LRRC4C: variants seen among roughly 807,000 people sequenced by gnomAD.
LRRC4C encodes the protein leucine-rich repeat-containing protein 4C.
In LRRC4C, 5 loss-of-function variants were observed where a neutral mutation model predicts 33.6. The observed-to-expected ratio is 0.15, with a 90% CI of 0.08 to 0.31. The LOEUF is 0.31. Ranked by LOEUF, LRRC4C falls within the 10% of genes least tolerant of loss-of-function variation. The pLI, the probability that LRRC4C is intolerant of heterozygous loss-of-function variation, is 1.00. For missense variants in LRRC4C, 560 were observed against 796.7 expected, an observed-to-expected ratio of 0.70 and a Z score of 3.58; for synonymous variants, 329 against 302.0, an observed-to-expected ratio of 1.09 and a Z score of -0.93.
intron 3 of LRRC4C, among the ~76,000 whole-genome samples, chr11:40,646,865 C>A (rs1942495474): frequency 6.6e-6 from 1 of 152,168 alleles, no homozygotes; most frequent in Non-Finnish European, 1.5e-5. Flanking sequence ...CTCGGCCTCC[C>A]AAAATGCTGG....
At chr11:40,956,153 G>A (rs1045810863) in intron 1 of LRRC4C, among the ~76,000 whole-genome samples, 1 of 151,706 alleles carries the variant, frequency 6.6e-6, no homozygotes, top group Admixed American at 6.6e-5. Flanking sequence ...CACAAGTGAC[G>A]GCGATACCAA....
At chr11:40,919,595 C>T (rs1044350495) in intron 2 of LRRC4C, among the ~76,000 whole-genome samples, 7 of 152,086 alleles carry the variant, frequency 4.6e-5, no homozygotes, top group Admixed American at 4.6e-4. Context: ...TGCTTATTAT[C>T]TTACTGTCTG....
intron 2 of LRRC4C, among the ~76,000 whole-genome samples, chr11:40,760,412 CAAA>C (rs35336371): frequency 1.5e-5 from 2 of 136,180 alleles, no homozygotes; most frequent in Non-Finnish European, 1.6e-5. Context: ...GGTCCTTTAC[CAAA>C]AAAAAAAAAA....
At chr11:41,228,145 T>C (rs1947626351) in intron 1 of LRRC4C, among the ~76,000 whole-genome samples, 2 of 152,136 alleles carry the variant, frequency 1.3e-5, no homozygotes, top group Non-Finnish European at 1.5e-5. Flanking sequence ...TCTATCTATG[T>C]TATTTTTCAC....
At chr11:40,805,921 T>C (rs752575551) in intron 2 of LRRC4C, among the ~76,000 whole-genome samples, 8 of 152,186 alleles carry the variant, frequency 5.3e-5, no homozygotes, top group Non-Finnish European at 1.2e-4. Context: ...ACTCAGCAGA[T>C]TTCTTGTTGT....
chr11:41,249,917 G>A (rs1948584379), intron 1 of LRRC4C, among the ~76,000 whole-genome samples: 1 of 151,926 alleles, frequency 6.6e-6, no homozygotes. Context: ...TATATCTTGA[G>A]TGCATAGAAT....
chr11:40,859,959 G>C lies in LRRC4C; in HGVS notation c.-407+73676C>G, dbSNP rs974912900. On this transcript the variant is annotated intron_variant, in intron 2 of 6. Transcript: ENST00000528697. ...AAATTAGCTGGGCCTGGTGGCAGGCGCCTGTAGTCCCAGCTACTTGGTAGG... is the reference window on the plus strand; with the variant it reads ...AAATTAGCTGGGCCTGGTGGCAGGCCCCTGTAGTCCCAGCTACTTGGTAGG... Among the ~76,000 whole-genome samples the C allele has an allele frequency of 5.3e-5, 8 of 152,102 alleles. No homozygotes were observed. The East Asian group carries it at 1.6e-3, about 30-fold the overall frequency.
chr11:40,525,442 T>A (rs1956005101), intron 3 of LRRC4C, among the ~76,000 whole-genome samples: 2 of 151,938 alleles, frequency 1.3e-5, no homozygotes, highest in South Asian at 4.1e-4. Flanking sequence ...AGAGACTTTG[T>A]CTCAAAGAAA....
At chr11:41,329,360 GAC>G (rs1168932877) in intron 1 of LRRC4C, among the ~76,000 whole-genome samples, 5 of 152,176 alleles carry the variant, frequency 3.3e-5, no homozygotes, top group African/African-American at 1.2e-4. Context: ...TCCATGTGGA[GAC>G]ACAGATGTGC....
chr11:40,123,266 T>A (rs61911787), intron 6 of LRRC4C, among the ~76,000 whole-genome samples: 10,287 of 152,128 alleles, frequency 0.068, 458 homozygotes, highest in Middle Eastern at 0.092. Flanking sequence ...CAATCAGACA[T>A]GACAAATAAA....
At chr11:41,083,642 C>G (rs1014353253) in intron 1 of LRRC4C, among the ~76,000 whole-genome samples, 1 of 152,076 alleles carries the variant, frequency 6.6e-6, no homozygotes, top group African/African-American at 2.4e-5. Context: ...TGAGGCTTTA[C>G]AAGAAATGGC....
intron 3 of LRRC4C, among the ~76,000 whole-genome samples, chr11:40,592,236 A>G (rs1283567216): frequency 1.3e-5 from 2 of 152,172 alleles, no homozygotes; most frequent in Non-Finnish European, 2.9e-5. Context: ...ATAGCCCATA[A>G]TGTGGAAATG....
intron 2 of LRRC4C, among the ~76,000 whole-genome samples, chr11:40,668,658 G>A (rs1162706019): frequency 6.6e-6 from 1 of 152,154 alleles, no homozygotes; most frequent in African/African-American, 2.4e-5. Context: ...TAATGAGAGA[G>A]GAAAATGTAG....
At chr11:41,208,950 AC>A (rs1227294039) in intron 1 of LRRC4C, among the ~76,000 whole-genome samples, 2 of 151,854 alleles carry the variant, frequency 1.3e-5, no homozygotes, top group East Asian at 3.9e-4. Flanking sequence ...GGCTGCTGCA[AC>A]CCCCGTGGGT....
intron 5 of LRRC4C, among the ~76,000 whole-genome samples, chr11:40,211,482 G>A (rs1863603377): frequency 6.6e-6 from 1 of 152,130 alleles, no homozygotes; most frequent in Non-Finnish European, 1.5e-5. Context: ...TTCAAAAGAA[G>A]TAACTATATC....
chr11:41,207,916 G>A (rs967310122), intron 1 of LRRC4C, among the ~76,000 whole-genome samples: 2 of 152,130 alleles, frequency 1.3e-5, no homozygotes, highest in South Asian at 2.1e-4. Context: ...ACCCTGGGTG[G>A]GGGGTAAAAG....
chr11:40,999,459 G>T (rs1477092358), intron 1 of LRRC4C, among the ~76,000 whole-genome samples: 4 of 152,132 alleles, frequency 2.6e-5, no homozygotes, highest in African/African-American at 9.6e-5. Context: ...TAAATTATTT[G>T]TTTTTGTCTT....
At chr11:40,291,652 C>T (rs935397742) in intron 4 of LRRC4C, among the ~76,000 whole-genome samples, 3 of 152,180 alleles carry the variant, frequency 2.0e-5, no homozygotes, top group Admixed American at 6.5e-5. Context: ...CTTCTCTCCA[C>T]CAGCTTCCTT....
At chr11:40,705,813 C>G (rs781319993) in intron 2 of LRRC4C, among the ~76,000 whole-genome samples, 1 of 152,068 alleles carries the variant, frequency 6.6e-6, no homozygotes, top group African/African-American at 2.4e-5. Flanking sequence ...CTAGTTTACA[C>G]TCCCACCAAC....
Sources: gnomAD v4.1 joint callset for allele counts (sites outside exome capture counted in the v4.1 genomes callset) on GRCh38, gnomAD v4.1.1 for gene constraint, MANE v1.5 for transcripts, NCBI Gene and HGNC (gene_info 2026-07-23, HGNC 2026-07-21) for gene names.